The following SUSD4 variants were observed in gnomAD, a reference collection of about 807,000 sequenced individuals.
SUSD4 encodes sushi domain containing 4.
SUSD4 carries 41 observed loss-of-function variants against 50.5 expected under a neutral mutation model. That is an observed-to-expected ratio of 0.81 (90% CI 0.63 to 1.05). SUSD4 has a LOEUF of 1.05. Among genes scored for constraint, SUSD4 ranks in the 50% least tolerant of loss-of-function variants. The pLI, the probability that SUSD4 is intolerant of heterozygous loss-of-function variation, is 0.00. For missense variants in SUSD4, 580 were observed against 634.7 expected, an observed-to-expected ratio of 0.91 and a Z score of 0.93; for synonymous variants, 257 against 257.3, an observed-to-expected ratio of 1.00 and a Z score of 0.01.
chr1:223,241,503 C>A (rs1660580959), intron 5 of SUSD4, among the ~76,000 whole-genome samples: 2 of 152,328 alleles, frequency 1.3e-5, no homozygotes, highest in African/African-American at 4.8e-5. Flanking sequence ...CTTTACTTTT[C>A]TGTCTCTCTA....
intron 5 of SUSD4, among the ~76,000 whole-genome samples, chr1:223,257,899 T>C (rs533072662): frequency 4.6e-5 from 7 of 152,198 alleles, no homozygotes; most frequent in African/African-American, 7.2e-5. Context: ...GGCCTCATCA[T>C]GAACAGTAAT....
intron 5 of SUSD4, among the ~76,000 whole-genome samples, chr1:223,259,494 A>G (rs543326490): frequency 6.6e-6 from 1 of 152,352 alleles, no homozygotes. Context: ...AAAGAGGCAC[A>G]GTGCTGTGAT....
chr1:223,291,488 C>CA (rs71572850), intron 3 of SUSD4, among the ~76,000 whole-genome samples: 813 of 49,132 alleles, frequency 0.017, 61 homozygotes, highest in East Asian at 0.024. Flanking sequence ...GACACTGTCT[C>CA]AAAAAAAAAA....
chr1:223,270,065 A>G (rs914756095), intron 3 of SUSD4, among the ~76,000 whole-genome samples: 2 of 152,126 alleles, frequency 1.3e-5, no homozygotes, highest in Non-Finnish European at 2.9e-5. Context: ...AATGGGAAGT[A>G]TGGCACAACA....
chr1:223,294,835 G>A (rs1278759864), intron 2 of SUSD4, among the ~76,000 whole-genome samples: 2 of 152,184 alleles, frequency 1.3e-5, no homozygotes, highest in Non-Finnish European at 2.9e-5. Flanking sequence ...CAGCAGAGGG[G>A]TATTTGAAAG....
intron 5 of SUSD4, among the ~76,000 whole-genome samples, chr1:223,236,842 G>C (rs892318922): frequency 6.6e-6 from 1 of 151,870 alleles, no homozygotes. Flanking sequence ...TCAGTTTTTT[G>C]CTTCCCCATA....
Position 223,220,926 on chromosome 1 carries a change from A to T in SUSD4, c.*1266T>A. ...CTCTATCAGCATAGCAATTTTAAGGATCAGAGCTTTGTTTACATTTGTCTA... is the reference window on the plus strand; with the variant it reads ...CTCTATCAGCATAGCAATTTTAAGGTTCAGAGCTTTGTTTACATTTGTCTA... On this transcript the variant is annotated 3_prime_UTR_variant, in exon 9 of 9. Coordinates refer to ENST00000366878, the MANE Select transcript of SUSD4 (RefSeq NM_017982.4). 2.5e-6 allele frequency: 1 copy of T among 400,058 alleles called. No individual in the cohort carries two copies. Among genetic ancestry groups the T allele is most frequent in the Non-Finnish European group, 4.4e-6 (1 of 226,094 alleles). 24.8% of individuals were successfully genotyped at this position (400,058 alleles called of 1,614,324 possible).
chr1:223,223,281 G>T lies in SUSD4; in HGVS notation c.1412C>A (p.Ala471Glu), dbSNP rs941712116. ...DIIASTAEEV[A>E]STSPGIDIAD... Reference sequence around the variant, plus strand: ...AATGTCGATGCCTGGGCTGGTGGATGCCACCTCCTCTGCCGTGCTGGCAAT... The same window carrying T: ...AATGTCGATGCCTGGGCTGGTGGATTCCACCTCCTCTGCCGTGCTGGCAAT... The change falls in exon 8 of 9, where the codon GCA becomes GAA. Residue 471 changes from alanine (A) to glutamate (E), a missense_variant. Coordinates refer to ENST00000366878, the MANE Select transcript of SUSD4 (RefSeq NM_017982.4). 57 of 1,561,108 alleles carry T rather than the reference G, an allele frequency of 3.7e-5. No individual in the cohort carries two copies. The highest frequency in any genetic ancestry group is 4.8e-5 in the Non-Finnish European group (56 of 1,156,230).
chr1:223,255,525 A>G (rs1392615938), intron 5 of SUSD4, among the ~76,000 whole-genome samples: 3 of 152,210 alleles, frequency 2.0e-5, no homozygotes, highest in African/African-American at 2.4e-5. Flanking sequence ...ATGTAAATAT[A>G]TAAAACAGAG....
intron 5 of SUSD4, chr1:223,264,237 G>A: frequency 1.0e-6 from 1 of 985,414 alleles, no homozygotes; most frequent in Non-Finnish European, 1.2e-6. Context: ...GCCATAAAGT[G>A]CATGGAAATA....
At chr1:223,269,916 C>T (rs1662786444) in intron 3 of SUSD4, among the ~76,000 whole-genome samples, 1 of 152,042 alleles carries the variant, frequency 6.6e-6, no homozygotes, top group Admixed American at 6.5e-5. Context: ...CCCTGGAAGC[C>T]CTGATGTGAG....
At chr1:223,352,965 T>A (rs1049013082) in intron 2 of SUSD4, among the ~76,000 whole-genome samples, 1 of 152,072 alleles carries the variant, frequency 6.6e-6, no homozygotes, top group East Asian at 1.9e-4. Context: ...CCCTCCCTCA[T>A]GGACCTCCGG....
intron 5 of SUSD4, among the ~76,000 whole-genome samples, chr1:223,246,037 T>C (rs894060790): frequency 1.3e-5 from 2 of 152,046 alleles, no homozygotes; most frequent in African/African-American, 2.4e-5. Flanking sequence ...CTGGGATAAA[T>C]GCAGAACTCA....
rs1396956006 is a variant in SUSD4 at position 223,363,608 on chromosome 1, G to A, written c.-35-148C>T. 3.2e-6 allele frequency: 3 copies of A among 933,944 alleles called. No individual in the cohort carries two copies. In the African/African-American group the frequency reaches 5.0e-5, roughly 16 times the overall value. 57.9% of individuals were successfully genotyped at this position (933,944 alleles called of 1,614,324 possible). On this transcript the variant is annotated intron_variant, in intron 1 of 8. Coordinates refer to ENST00000366878, the MANE Select transcript of SUSD4 (RefSeq NM_017982.4). ...GCGCGGCCCCCGCCCCCTTTCCCAC[G>A]GCGAGGTCCCCCGCCTTCCCCCGAG... is the stretch of plus-strand genomic sequence containing the variant.
chr1:223,229,434 C>T lies in SUSD4; in HGVS notation c.725-46G>A. The T allele has an allele frequency of 6.5e-7, 1 of 1,537,400 alleles. No homozygotes were observed. Among genetic ancestry groups the T allele is most frequent in the Non-Finnish European group, 8.9e-7 (1 of 1,128,324 alleles). ...AAAAGTTTCAGAACCACAAGCTCACCTTTGTCTGAAGCCCCTAAGACGAAG... is the reference window on the plus strand; with the variant it reads ...AAAAGTTTCAGAACCACAAGCTCACTTTTGTCTGAAGCCCCTAAGACGAAG... On this transcript the variant is annotated intron_variant, in intron 5 of 8. Coordinates refer to ENST00000366878, the MANE Select transcript of SUSD4 (RefSeq NM_017982.4). The surrounding 1 kb of genome is among the most constrained non-coding windows in gnomAD (Gnocchi z 4.7).
At chr1:223,346,843 C>T (rs1668060463) in intron 2 of SUSD4, among the ~76,000 whole-genome samples, 1 of 152,148 alleles carries the variant, frequency 6.6e-6, no homozygotes, top group Admixed American at 6.5e-5. Context: ...GGTCTGTCTC[C>T]AAAACATGCC....
At chr1:223,345,950 G>T (rs1440164042) in intron 2 of SUSD4, among the ~76,000 whole-genome samples, 1 of 152,062 alleles carries the variant, frequency 6.6e-6, no homozygotes, top group Admixed American at 6.5e-5. Context: ...CCTCCTCCTG[G>T]CTACTAGCTT....
At chr1:223,323,136 G>C (rs535055309) in intron 2 of SUSD4, among the ~76,000 whole-genome samples, 2 of 151,920 alleles carry the variant, frequency 1.3e-5, no homozygotes, top group Non-Finnish European at 1.5e-5. Flanking sequence ...CTTAGGGGCT[G>C]ATCTCACAAT....
chr1:223,230,489 A>C (rs1659822563), intron 5 of SUSD4: 1 of 152,056 alleles, frequency 6.6e-6, no homozygotes, highest in African/African-American at 2.4e-5. Flanking sequence ...TGCCCACCAT[A>C]CAGGCCAGAA....
Sources: allele counts gnomAD v4.1 joint callset (sites outside exome capture counted in the v4.1 genomes callset), GRCh38; gene constraint gnomAD v4.1.1; non-coding constraint Gnocchi (gnomAD v3.1); transcripts MANE v1.5; gene names NCBI Gene and HGNC (gene_info 2026-07-23, HGNC 2026-07-21).